The following FNDC3B variants were observed in gnomAD, a reference collection of about 807,000 sequenced individuals.
FNDC3B encodes the protein fibronectin type III domain-containing protein 3B.
In FNDC3B, 12 loss-of-function variants were observed where a neutral mutation model predicts 151.5. The observed-to-expected ratio is 0.08, with a 90% CI of 0.05 to 0.13. The LOEUF (loss-of-function observed/expected upper bound fraction) is 0.13. Ranked by LOEUF, FNDC3B falls within the 10% of genes least tolerant of loss-of-function variation. The pLI is 1.00. For missense variants in FNDC3B, 1,214 were observed against 1,505.3 expected, an observed-to-expected ratio of 0.81 and a Z score of 3.20; for synonymous variants, 528 against 549.0, an observed-to-expected ratio of 0.96 and a Z score of 0.54.
intron 6 of FNDC3B, among the ~76,000 whole-genome samples, chr3:172,261,927 T>G (rs1346074494): frequency 6.6e-6 from 1 of 152,216 alleles, no homozygotes; most frequent in East Asian, 1.9e-4. Context: ...GTAGGTGTTA[T>G]TCTCAGAAAA....
chr3:172,045,698 C>A (rs1716328790), intron 1 of FNDC3B, among the ~76,000 whole-genome samples: 1 of 152,048 alleles, frequency 6.6e-6, no homozygotes, highest in Admixed American at 6.6e-5. Flanking sequence ...AATTAATTCT[C>A]ACTCTTAAGG....
At chr3:172,093,260 ATT>A (rs750469529) in intron 1 of FNDC3B, among the ~76,000 whole-genome samples, 3 of 138,456 alleles carry the variant, frequency 2.2e-5, no homozygotes, top group Admixed American at 7.2e-5. Flanking sequence ...CACCCAGCTA[ATT>A]TTTTTTTTTT....
intron 3 of FNDC3B, among the ~76,000 whole-genome samples, chr3:172,144,038 T>C (rs1202022039): frequency 6.6e-6 from 1 of 151,890 alleles, no homozygotes; most frequent in Non-Finnish European, 1.5e-5. Flanking sequence ...GGAAAAGAGG[T>C]TTAATTGGGT....
intron 25 of FNDC3B, among the ~76,000 whole-genome samples, chr3:172,391,105 T>C (rs1257919367): frequency 1.3e-5 from 2 of 152,150 alleles, no homozygotes; most frequent in African/African-American, 4.8e-5. Context: ...TGGAGTCTCA[T>C]CTGGGATCCA....
chr3:172,135,001 A>T (rs1721292196), intron 3 of FNDC3B, among the ~76,000 whole-genome samples: 1 of 152,142 alleles, frequency 6.6e-6, no homozygotes, highest in Non-Finnish European at 1.5e-5. Flanking sequence ...AAAAAAAAAA[A>T]AAATCACACT....
At chr3:172,042,041 C>T (rs2108447026) in intron 1 of FNDC3B, among the ~76,000 whole-genome samples, 1 of 152,060 alleles carries the variant, frequency 6.6e-6, no homozygotes. Context: ...TAAACTCACA[C>T]GTGCTTTTAA....
intron 1 of FNDC3B, among the ~76,000 whole-genome samples, chr3:172,069,574 A>G (rs1040471597): frequency 1.3e-5 from 2 of 152,174 alleles, no homozygotes; most frequent in East Asian, 3.9e-4. Context: ...GCGTGCCTTT[A>G]GTCTTACTGG....
chr3:172,212,699 C>A (rs540273406), intron 3 of FNDC3B, among the ~76,000 whole-genome samples: 1 of 152,232 alleles, frequency 6.6e-6, no homozygotes, highest in Non-Finnish European at 1.5e-5. Flanking sequence ...TATCAGGTTT[C>A]TTCTCTTTTA....
At chr3:172,194,388 T>G (rs961353229) in intron 3 of FNDC3B, among the ~76,000 whole-genome samples, 1 of 152,230 alleles carries the variant, frequency 6.6e-6, no homozygotes, top group Non-Finnish European at 1.5e-5. Flanking sequence ...ATGGATGACC[T>G]TACCTGTCAA....
intron 6 of FNDC3B, among the ~76,000 whole-genome samples, chr3:172,269,290 T>C (rs1729069219): frequency 6.6e-6 from 1 of 152,156 alleles, no homozygotes; most frequent in Non-Finnish European, 1.5e-5. Flanking sequence ...TCCTAGGCTC[T>C]CTCTGTCATC....
intron 7 of FNDC3B, among the ~76,000 whole-genome samples, chr3:172,290,888 G>A (rs1262283065): frequency 1.3e-5 from 2 of 152,102 alleles, no homozygotes; most frequent in Non-Finnish European, 2.9e-5. Flanking sequence ...GTATTTGTGT[G>A]GTAATATTTC....
chr3:172,361,388 C>G (rs560447421), intron 22 of FNDC3B, among the ~76,000 whole-genome samples: 1 of 152,200 alleles, frequency 6.6e-6, no homozygotes, highest in Non-Finnish European at 1.5e-5. Context: ...TTAGAAGCAG[C>G]CAGGTCACCT....
At chr3:172,323,659 C>T (rs1245207498) in intron 11 of FNDC3B, among the ~76,000 whole-genome samples, 3 of 152,168 alleles carry the variant, frequency 2.0e-5, no homozygotes, top group Non-Finnish European at 4.4e-5. Flanking sequence ...GCTATGTAGC[C>T]ACATAGTGCT....
chr3:172,160,949 A>C (rs956994825), intron 3 of FNDC3B, among the ~76,000 whole-genome samples: 2 of 152,250 alleles, frequency 1.3e-5, no homozygotes, highest in Non-Finnish European at 2.9e-5. Flanking sequence ...AGATACAATA[A>C]ATTCAAAAGA....
intron 11 of FNDC3B, among the ~76,000 whole-genome samples, chr3:172,327,759 C>A (rs1335652845): frequency 6.6e-6 from 1 of 152,120 alleles, no homozygotes; most frequent in Admixed American, 6.5e-5. Context: ...GTGGTGTGTT[C>A]ATTTTATTTT....
At chr3:172,313,090 C>G (rs1731601555) in intron 11 of FNDC3B, among the ~76,000 whole-genome samples, 1 of 152,078 alleles carries the variant, frequency 6.6e-6, no homozygotes, top group Non-Finnish European at 1.5e-5. Context: ...TCTCTCCCAC[C>G]TTCAAATTCC....
At chr3:172,274,522 A>G (rs1465490902) in intron 6 of FNDC3B, among the ~76,000 whole-genome samples, 2 of 97,616 alleles carry the variant, frequency 2.0e-5, no homozygotes, top group African/African-American at 5.2e-5. Context: ...GATTCATAAA[A>G]TCTCTGATTT....
intron 11 of FNDC3B, among the ~76,000 whole-genome samples, chr3:172,317,938 G>C (rs772116088): frequency 2.6e-5 from 4 of 152,182 alleles, no homozygotes; most frequent in Admixed American, 6.5e-5. Flanking sequence ...AGCACTTTGT[G>C]GGAATGTGAC....
At chr3:172,199,261 G>C (rs1249537623) in intron 3 of FNDC3B, among the ~76,000 whole-genome samples, 4 of 151,276 alleles carry the variant, frequency 2.6e-5, no homozygotes, top group African/African-American at 9.7e-5. Context: ...CTCTCTGCAG[G>C]CTCCGCCTCC....
Sources: allele counts gnomAD v4.1 joint callset (sites outside exome capture counted in the v4.1 genomes callset), GRCh38; gene constraint gnomAD v4.1.1; transcripts MANE v1.5; gene names NCBI Gene and HGNC (gene_info 2026-07-23, HGNC 2026-07-21).